The following RNF121 variants were observed in gnomAD, a reference collection of about 807,000 sequenced individuals.
The protein encoded by RNF121 is ring finger protein 121.
RNF121 carries 21 observed loss-of-function variants against 46.5 expected under a neutral mutation model. The observed-to-expected ratio is 0.45, with a 90% CI of 0.32 to 0.65. RNF121 has a LOEUF of 0.65. RNF121 is among the 30% of genes least tolerant of loss of function. The pLI is 0.04. For missense variants in RNF121, 346 were observed against 416.0 expected (o/e 0.83, Z 1.46); for synonymous variants, 139 against 144.7 (o/e 0.96, Z 0.28).
intron 5 of RNF121, 63 bp from the exon 6 acceptor site, chr11:71,990,534 G>A: frequency 1.3e-6 from 2 of 1,588,580 alleles, no homozygotes; most frequent in Non-Finnish European, 1.7e-6. Flanking sequence ...GTGTCCCAGA[G>A]TAGTAATCCA....
At chr11:71,995,681 A>T in intron 8 of RNF121, 130 bp downstream of exon 8, 1 of 703,376 alleles carries the variant, frequency 1.4e-6, no homozygotes, top group Non-Finnish European at 2.5e-6. Context: ...CCATGGTGGG[A>T]AGCTGAGCTG....
Position 71,990,588 on chromosome 11 carries a change from C to A in RNF121, c.507-9C>A, listed in dbSNP as rs765577173. The A allele has an allele frequency of 6.2e-7, 1 of 1,613,618 alleles. No individual in the cohort carries two copies. Among genetic ancestry groups the A allele is most frequent in the South Asian group, 1.1e-5 (1 of 91,028 alleles). The stretch of plus-strand genomic sequence containing the variant: ...GTGGGTCTTTCTAGCTCTAATGCTT[C>A]CCTTGCAGGATCAAACCAGAAGATG... On this transcript the variant is annotated splice_polypyrimidine_tract_variant and intron_variant, in intron 5 of 8. Transcript: ENST00000361756.
chr11:71,982,642 C>T (rs61890894), intron 3 of RNF121, 119 bp from the exon 4 acceptor site: 2 of 1,148,024 alleles, frequency 1.7e-6, no homozygotes, highest in East Asian at 2.7e-5. Flanking sequence ...TTAACTTTAT[C>T]CAAAGTTGTA....
chr11:71,936,044 T>C (rs1424663038), intron 1 of RNF121, among the ~76,000 whole-genome samples: 6 of 151,734 alleles, frequency 4.0e-5, no homozygotes, highest in African/African-American at 1.5e-4. Context: ...AGACAGGGTT[T>C]CACCGTGTTA....
Position 71,996,369 on chromosome 11 carries a change from C to T in RNF121, c.*54C>T, listed in dbSNP as rs1954977678. On this transcript the variant is annotated 3_prime_UTR_variant, in exon 9 of 9. Transcript: ENST00000361756. Reference sequence around the variant, plus strand: ...CCCACACGCCATGGACCTCAGGGCACTCTCCTCCCTGCCCACAAAGACCTC... The same window carrying T: ...CCCACACGCCATGGACCTCAGGGCATTCTCCTCCCTGCCCACAAAGACCTC... 1 of 1,594,604 alleles carries T rather than the reference C, an allele frequency of 6.3e-7. No homozygotes were observed. Among genetic ancestry groups the T allele is most frequent in the Non-Finnish European group, 8.6e-7 (1 of 1,168,530 alleles).
At chr11:71,950,892 C>T (rs902753192) in intron 1 of RNF121, among the ~76,000 whole-genome samples, 1 of 152,130 alleles carries the variant, frequency 6.6e-6, no homozygotes, top group African/African-American at 2.4e-5. Flanking sequence ...TGGAGTTAGA[C>T]AGATTTTATT....
At chr11:71,949,264 A>C (rs984042389) in intron 1 of RNF121, among the ~76,000 whole-genome samples, 2 of 152,204 alleles carry the variant, frequency 1.3e-5, no homozygotes, top group African/African-American at 4.8e-5. Flanking sequence ...CAAAAAATTT[A>C]AGAATTAGCT....
intron 1 of RNF121, among the ~76,000 whole-genome samples, chr11:71,944,885 T>G (rs1272565262): frequency 1.3e-5 from 2 of 152,218 alleles, no homozygotes; most frequent in African/African-American, 4.8e-5. Context: ...AAATCTTCCT[T>G]CAGTCCTAGC....
In RNF121 at chr11:71,961,032, G is replaced by A. The variant is rs1463283708; in HGVS notation, c.243+141G>A. 18 of 929,736 alleles carry A rather than the reference G, an allele frequency of 1.9e-5. No individual in the cohort carries two copies. In the Admixed American group the frequency reaches 3.1e-4, roughly 16 times the overall value. The allele number at this position is 929,736 out of a possible 1,614,324, so 57.6% of individuals were successfully genotyped here. On this transcript the variant is annotated intron_variant, in intron 3 of 8. Coordinates refer to ENST00000361756, the MANE Select transcript of RNF121 (RefSeq NM_018320.5). ...GAACTTTATGTATGAATGATGAATA[G>A]TGTATTGGCGAGTGTGTGTCTAAGG...
chr11:71,956,018 G>A (rs185338509), intron 1 of RNF121, among the ~76,000 whole-genome samples: 2 of 152,302 alleles, frequency 1.3e-5, no homozygotes, highest in Admixed American at 1.3e-4. Flanking sequence ...ACCTTCAATA[G>A]TGATGGGCAT....
chr11:71,931,406 AAGC>A (rs1310123721), intron 1 of RNF121, among the ~76,000 whole-genome samples: 1 of 152,164 alleles, frequency 6.6e-6, no homozygotes, highest in Admixed American at 6.5e-5. Context: ...AAGCTCTGAG[AAGC>A]AGAACAGTCA....
chr11:71,956,131 T>C (rs1271232883), intron 1 of RNF121, among the ~76,000 whole-genome samples: 6 of 152,240 alleles, frequency 3.9e-5, no homozygotes, highest in Non-Finnish European at 7.3e-5. Flanking sequence ...GTTCAACTTA[T>C]GGGACTTTCC....
intron 6 of RNF121, among the ~76,000 whole-genome samples, chr11:71,993,142 T>G (rs1954898114): frequency 6.6e-6 from 1 of 152,246 alleles, no homozygotes; most frequent in Admixed American, 6.5e-5. Flanking sequence ...ACAACTGTCT[T>G]GTGCTTTACC....
intron 4 of RNF121, among the ~76,000 whole-genome samples, chr11:71,984,709 G>T (rs1296520013): frequency 6.8e-6 from 1 of 147,834 alleles, no homozygotes; most frequent in Non-Finnish European, 1.5e-5. Context: ...CTCCCAAGTA[G>T]CTGGGACTAC....
At chr11:71,963,074 A>C (rs1954176522) in intron 3 of RNF121, among the ~76,000 whole-genome samples, 1 of 152,072 alleles carries the variant, frequency 6.6e-6, no homozygotes, top group African/African-American at 2.4e-5. Flanking sequence ...CTTTTTGTTG[A>C]GTTGTTAGAG....
At chr11:71,936,834 G>T (rs796824713) in intron 1 of RNF121, among the ~76,000 whole-genome samples, 5 of 152,048 alleles carry the variant, frequency 3.3e-5, no homozygotes, top group African/African-American at 1.2e-4. Context: ...ATGCTTTAAT[G>T]CAGGGACTAT....
At chr11:71,979,271 C>T (rs1954595922) in intron 3 of RNF121, among the ~76,000 whole-genome samples, 1 of 152,088 alleles carries the variant, frequency 6.6e-6, no homozygotes, top group African/African-American at 2.4e-5. Context: ...GGACGGAGGA[C>T]CTCCTTAGGG....
At chr11:71,990,456 G>T in intron 5 of RNF121, 141 bp from the exon 6 acceptor site, 1 of 970,342 alleles carries the variant, frequency 1.0e-6, no homozygotes, top group Admixed American at 2.3e-5. Flanking sequence ...ACAGCAGACT[G>T]GATTTGGTCA....
chr11:71,951,004 C>T (rs1474065831), intron 1 of RNF121, among the ~76,000 whole-genome samples: 1 of 152,136 alleles, frequency 6.6e-6, no homozygotes, highest in Non-Finnish European at 1.5e-5. Context: ...GTGGACGGAT[C>T]ACCTGAGGTC....
Sources: allele counts gnomAD v4.1 joint callset (sites outside exome capture counted in the v4.1 genomes callset), GRCh38; gene constraint gnomAD v4.1.1; transcripts MANE v1.5; gene names NCBI Gene and HGNC (gene_info 2026-07-23, HGNC 2026-07-21).